Variants in SSH2 observed in about 807,000 individuals in gnomAD.
The protein encoded by SSH2 is protein phosphatase Slingshot homolog 2.
A neutral mutation model predicts 135.2 loss-of-function variants in SSH2; 37 were observed. The observed-to-expected ratio is 0.27, with a 90% CI of 0.21 to 0.36. SSH2 has a LOEUF of 0.36. SSH2 is among the 10% of genes least tolerant of loss of function. The pLI, the probability that SSH2 is intolerant of heterozygous loss-of-function variation, is 1.00. For synonymous variants in SSH2, 628 were observed against 646.2 expected, an observed-to-expected ratio of 0.97 and a Z score of 0.43; for missense variants, 1,408 against 1,765.3, an observed-to-expected ratio of 0.80 and a Z score of 3.63.
chr17:29,909,403 G>C (rs1419449233), intron 1 of SSH2, among the ~76,000 whole-genome samples: 2 of 152,002 alleles, frequency 1.3e-5, no homozygotes, highest in Non-Finnish European at 2.9e-5. Flanking sequence ...ATAAGGCTCA[G>C]TAGCTGAACT....
At chr17:29,686,286 A>G (rs1230044178) in intron 5 of SSH2, among the ~76,000 whole-genome samples, 1 of 152,164 alleles carries the variant, frequency 6.6e-6, no homozygotes, top group African/African-American at 2.4e-5. Context: ...GAAGAGAGAG[A>G]CATGATCTAT....
Position 29,631,150 on chromosome 17 carries a change from C to T in SSH2, c.4044G>A (p.Lys1348=). The T allele has an allele frequency of 6.2e-7, 1 of 1,614,214 alleles. No individual in the cohort carries two copies. The highest frequency in any genetic ancestry group is 8.5e-7 in the Non-Finnish European group (1 of 1,180,040). ...PGAPHNPEPT[K]SFVEQLTTTE... is the part of the protein sequence containing the mutation. ...TTGTTGTGAGTTGTTCTACAAAAGA[C>T]TTGGTGGGCTCTGGGTTGTGGGGGG... The change falls in exon 16 of 16, where the codon AAG becomes AAA. Residue 1348 remains lysine (K), a synonymous_variant. Coordinates refer to ENST00000540801, the MANE Select transcript of SSH2 (RefSeq NM_001282129.2).
intron 1 of SSH2, among the ~76,000 whole-genome samples, chr17:29,919,433 T>C (rs1415880964): frequency 6.6e-6 from 1 of 152,172 alleles, no homozygotes; most frequent in South Asian, 2.1e-4. Flanking sequence ...CACCAGACTT[T>C]ACCTTGAGAG....
At chr17:29,877,129 C>T (rs2066048553) in intron 1 of SSH2, among the ~76,000 whole-genome samples, 1 of 152,090 alleles carries the variant, frequency 6.6e-6, no homozygotes, top group Admixed American at 6.6e-5. Context: ...AGGTACTCAA[C>T]GTCACTGATT....
At chr17:29,724,846 T>A (rs954114937) in intron 3 of SSH2, among the ~76,000 whole-genome samples, 6 of 151,336 alleles carry the variant, frequency 4.0e-5, no homozygotes, top group African/African-American at 1.5e-4. Flanking sequence ...CACCTCGGCC[T>A]CCCAAAGTGC....
intron 1 of SSH2, among the ~76,000 whole-genome samples, chr17:29,915,192 A>G (rs1188170768): frequency 6.6e-6 from 1 of 152,172 alleles, no homozygotes; most frequent in African/African-American, 2.4e-5. Context: ...TGTAATCTTA[A>G]AGCAACCAAA....
intron 3 of SSH2, among the ~76,000 whole-genome samples, chr17:29,772,316 G>C (rs1043672423): frequency 6.6e-6 from 1 of 151,226 alleles, no homozygotes; most frequent in Non-Finnish European, 1.5e-5. Context: ...CGTGATCTCG[G>C]CTCACTGCAA....
chr17:29,850,393 A>G (rs984025447), intron 1 of SSH2, among the ~76,000 whole-genome samples: 19 of 152,192 alleles, frequency 1.2e-4, no homozygotes, highest in Admixed American at 9.8e-4. Context: ...GCTGAAACTT[A>G]TAACTACTTC....
At chr17:29,819,424 A>C (rs1214411683) in intron 2 of SSH2, among the ~76,000 whole-genome samples, 1 of 152,190 alleles carries the variant, frequency 6.6e-6, no homozygotes, top group Non-Finnish European at 1.5e-5. Flanking sequence ...GAAACATTAC[A>C]CAAAACTATT....
At chr17:29,729,126 A>C (rs985995563) in intron 3 of SSH2, among the ~76,000 whole-genome samples, 1 of 152,324 alleles carries the variant, frequency 6.6e-6, no homozygotes, top group Admixed American at 6.5e-5. Flanking sequence ...AAATATCTAT[A>C]AACTACCCAT....
chr17:29,727,112 ACTTC>A (rs753482267), intron 3 of SSH2, among the ~76,000 whole-genome samples: 1 of 152,322 alleles, frequency 6.6e-6, no homozygotes, highest in South Asian at 2.1e-4. Flanking sequence ...TACACAAAGG[ACTTC>A]CTTCCTTATC....
intron 1 of SSH2, among the ~76,000 whole-genome samples, chr17:29,854,287 T>C (rs2065622051): frequency 6.6e-6 from 1 of 151,898 alleles, no homozygotes; most frequent in African/African-American, 2.4e-5. Context: ...GAATTATTAG[T>C]AGCTAAGGTA....
At chr17:29,918,336 C>T (rs1412355283) in intron 1 of SSH2, among the ~76,000 whole-genome samples, 1 of 152,064 alleles carries the variant, frequency 6.6e-6, no homozygotes, top group Non-Finnish European at 1.5e-5. Flanking sequence ...GTCTAGACAC[C>T]TCCCTGAGAC....
Position 29,666,890 on chromosome 17 carries a change from G to C in SSH2, c.1009C>G (p.Gln337Glu). The change falls in exon 11 of 16, where the codon CAG becomes GAG. Residue 337 changes from glutamine to glutamate, a missense_variant. Physicochemically the swap from Gln to Glu is conservative, Grantham distance 29. Coordinates refer to ENST00000540801, the MANE Select transcript of SSH2 (RefSeq NM_001282129.2). ...ACCAGGAACACATGCTCAAATATCT[G>C]TGTAGGGCTATCCATTTGACCAAGG... Reference protein sequence around the residue: ...VILGQMDSPTQIFEHVFLGSE... With the variant: ...VILGQMDSPTEIFEHVFLGSE... 1 of 1,614,106 alleles carries C rather than the reference G, an allele frequency of 6.2e-7. No individual in the cohort carries two copies. Among genetic ancestry groups the C allele is most frequent in the East Asian group, 2.2e-5 (1 of 44,878 alleles).
chr17:29,680,551 C>CAAAAAAAAAAAAAAAA (rs1160865828), intron 6 of SSH2, among the ~76,000 whole-genome samples: 2 of 21,540 alleles, frequency 9.3e-5, no homozygotes, highest in African/African-American at 1.8e-4. Flanking sequence ...GACTCCCTCT[C>CAAAAAAAAAAAAAAAA]AAAAAAAAAA....
At chr17:29,722,668 T>C (rs958014808) in intron 3 of SSH2, among the ~76,000 whole-genome samples, 1 of 152,244 alleles carries the variant, frequency 6.6e-6, no homozygotes. Flanking sequence ...TTTTTCTTTT[T>C]GAAAATTTTC....
chr17:29,656,354 T>C (rs1224696457), intron 11 of SSH2, among the ~76,000 whole-genome samples: 1 of 152,122 alleles, frequency 6.6e-6, no homozygotes, highest in African/African-American at 2.4e-5. Context: ...TTTTTGTATT[T>C]TTTAGTAGAG....
chr17:29,881,500 CTCTT>C (rs1297335139), intron 1 of SSH2, among the ~76,000 whole-genome samples: 13 of 151,520 alleles, frequency 8.6e-5, no homozygotes, highest in Admixed American at 1.3e-4. Flanking sequence ...CTCTCTCTTT[CTCTT>C]TCTTTCTTTT....
At chr17:29,654,259 C>T (rs1260898154) in intron 12 of SSH2, among the ~76,000 whole-genome samples, 1 of 152,202 alleles carries the variant, frequency 6.6e-6, no homozygotes, top group African/African-American at 2.4e-5. Context: ...GACTAAGATA[C>T]AGTCTCTGCC....
Sources: gnomAD v4.1 joint callset for allele counts (sites outside exome capture counted in the v4.1 genomes callset) on GRCh38, gnomAD v4.1.1 for gene constraint, MANE v1.5 for transcripts, NCBI Gene and HGNC (gene_info 2026-07-23, HGNC 2026-07-21) for gene names.